Variants in NTM observed in about 807,000 individuals in gnomAD.
The protein encoded by NTM is neurotrimin.
In NTM, 13 loss-of-function variants were observed where a neutral mutation model predicts 42.1. That is an observed-to-expected ratio of 0.31 (90% confidence interval 0.20 to 0.49). The LOEUF (loss-of-function observed/expected upper bound fraction) is 0.49, where lower values mean the gene tolerates loss of function less well. NTM is among the 20% of genes least tolerant of loss of function. NTM has a pLI of 0.99. For missense variants in NTM, 373 were observed against 452.8 expected (o/e 0.82, Z 1.60); for synonymous variants, 187 against 179.2 (o/e 1.04, Z -0.35).
At chr11:131,789,757 CCATCCTGGCTAA>C (rs1469296281) in intron 1 of NTM, among the ~76,000 whole-genome samples, 7 of 150,362 alleles carry the variant, frequency 4.7e-5, no homozygotes, top group Middle Eastern at 3.4e-3. Flanking sequence ...GAGATCAAGA[CCATCCTGGCTAA>C]CACGGTGAAA....
intron 1 of NTM, among the ~76,000 whole-genome samples, chr11:131,453,795 G>C (rs756989813): frequency 2.0e-5 from 3 of 146,438 alleles, no homozygotes; most frequent in Non-Finnish European, 4.5e-5. Context: ...TATCTGCCTG[G>C]GGAGGACGGT....
chr11:131,734,885 TTAAAA>T (rs1449095502), intron 1 of NTM, among the ~76,000 whole-genome samples: 4 of 152,052 alleles, frequency 2.6e-5, no homozygotes, highest in Non-Finnish European at 5.9e-5. Flanking sequence ...CAAAGAATAA[TTAAAA>T]TAACACCAAG....
rs1491420783 is a variant in NTM, at chr11:131,925,384, T to TC, written c.167+13736_167+13737insC. On this transcript the variant is annotated intron_variant, in intron 2 of 8. Transcript: ENST00000683400. ...TCCTTTTTTTTTTCTTTCTTTTCTC[T>TC]TTTTTTTTTTTTTTTTTTTTAACAG... 4.7e-5 allele frequency among the ~76,000 whole-genome samples: 3 copies of TC among 63,536 alleles called. No individual in the cohort carries two copies. In the Admixed American group the frequency reaches 5.7e-4, roughly 12 times the overall value. 41.7% of individuals were successfully genotyped at this position (63,536 alleles called of 152,430 possible).
At chr11:131,385,205 C>G (rs1238171019) in intron 1 of NTM, 1 of 152,186 alleles carries the variant, frequency 6.6e-6, no homozygotes, top group African/African-American at 2.4e-5. Flanking sequence ...AAGTCAGGGG[C>G]CTACCACCAT....
At chr11:132,108,441 C>T (rs1207234454) in intron 2 of NTM, among the ~76,000 whole-genome samples, 1 of 152,118 alleles carries the variant, frequency 6.6e-6, no homozygotes, top group Non-Finnish European at 1.5e-5. Flanking sequence ...AGCGGAAAAA[C>T]AGACATCATA....
At chr11:131,887,659 A>G (rs1199401982) in intron 1 of NTM, among the ~76,000 whole-genome samples, 1 of 152,210 alleles carries the variant, frequency 6.6e-6, no homozygotes, top group African/African-American at 2.4e-5. Context: ...TCAAAATTTC[A>G]GACTTGTTAG....
intron 1 of NTM, among the ~76,000 whole-genome samples, chr11:131,498,512 T>A (rs897298292): frequency 2.6e-5 from 4 of 152,168 alleles, no homozygotes; most frequent in Non-Finnish European, 1.5e-5. Context: ...CTATGACCTT[T>A]CCTTCCTTTT....
At chr11:132,110,433 T>C (rs1333027282) in intron 2 of NTM, among the ~76,000 whole-genome samples, 1 of 152,232 alleles carries the variant, frequency 6.6e-6, no homozygotes, top group African/African-American at 2.4e-5. Context: ...ATGGCTGAAG[T>C]GTGATCCAGT....
rs568939654 is a variant in NTM, at chr11:131,540,419, C to T, written c.82+169531C>T. The T allele has an allele frequency of 2.0e-5, 3 of 152,184 alleles. No homozygotes were observed. The East Asian group carries it at 5.8e-4, about 30-fold the overall frequency. The allele number at this position is 152,184 out of a possible 1,614,324, so 9.4% of individuals were successfully genotyped here. On this transcript the variant is annotated intron_variant, in intron 1 of 8. Coordinates refer to ENST00000683400, the MANE Select transcript of NTM (RefSeq NM_001352005.2). ...TGACCTCATGATTCATCTGCCTCGGCCTCCTAAAGTATTGGGATTACAGGT... is the reference window on the plus strand; with the variant it reads ...TGACCTCATGATTCATCTGCCTCGGTCTCCTAAAGTATTGGGATTACAGGT...
chr11:131,852,566 G>A (rs1171590964), intron 1 of NTM, among the ~76,000 whole-genome samples: 2 of 152,162 alleles, frequency 1.3e-5, no homozygotes, highest in East Asian at 3.9e-4. Flanking sequence ...GCAGCTCCAT[G>A]GTCACCTGGC....
At chr11:131,872,387 C>A (rs555068649) in intron 1 of NTM, among the ~76,000 whole-genome samples, 2 of 152,158 alleles carry the variant, frequency 1.3e-5, no homozygotes, top group African/African-American at 4.8e-5. Context: ...CAGTGTCCTT[C>A]GTTCTTGTTG....
chr11:131,394,486 C>G (rs1193032826), intron 1 of NTM, among the ~76,000 whole-genome samples: 1 of 152,142 alleles, frequency 6.6e-6, no homozygotes, highest in Non-Finnish European at 1.5e-5. Flanking sequence ...TGAGTAGGGA[C>G]TCAGTGTCGG....
intron 1 of NTM, chr11:131,371,139 G>A (rs563875137): frequency 2.0e-5 from 20 of 978,612 alleles, no homozygotes; most frequent in Non-Finnish European, 2.3e-5. Flanking sequence ...TGTTAGGACT[G>A]TGCTTGTGTG....
intron 1 of NTM, among the ~76,000 whole-genome samples, chr11:131,806,809 C>T (rs187739670): frequency 1.3e-5 from 2 of 152,298 alleles, no homozygotes; most frequent in Admixed American, 1.3e-4. Flanking sequence ...TATTAGGCTC[C>T]AGGCACAATG....
intron 7 of NTM, chr11:132,315,080 A>AT (rs557575163): frequency 4.0e-3 from 3,880 of 960,140 alleles, no homozygotes; most frequent in Non-Finnish European, 4.4e-3. Flanking sequence ...ATGACATTTG[A>AT]TTTTTTTTTT....
chr11:132,040,846 T>C (rs181739417), intron 2 of NTM, among the ~76,000 whole-genome samples: 110 of 152,332 alleles, frequency 7.2e-4, no homozygotes, highest in African/African-American at 2.5e-3. Flanking sequence ...ATTAGGATTC[T>C]CAACATCAGT....
At chr11:131,654,644 A>G (rs1028156238) in intron 1 of NTM, among the ~76,000 whole-genome samples, 2 of 152,028 alleles carry the variant, frequency 1.3e-5, no homozygotes, top group Non-Finnish European at 2.9e-5. Context: ...GAGTGGCTTG[A>G]TGGGGTCCTG....
chr11:131,540,136 T>C lies in NTM; in HGVS notation c.82+169248T>C, dbSNP rs188620391. ...ATTTCTGAAAACAGGACTAACATAA[T>C]TAAAGCTATTTAAGCTTGTTTTTTT... On this transcript the variant is annotated intron_variant, in intron 1 of 8. Transcript: ENST00000683400. Among the ~76,000 whole-genome samples, 884 of 148,732 alleles carry C rather than the reference T, an allele frequency of 5.9e-3. 3 individuals carry two copies. Among genetic ancestry groups the C allele is most frequent in the Non-Finnish European group, 0.01 (686 of 67,384 alleles).
At chr11:131,868,761 A>G (rs772596265) in intron 1 of NTM, among the ~76,000 whole-genome samples, 6 of 152,104 alleles carry the variant, frequency 3.9e-5, no homozygotes, top group Admixed American at 2.0e-4. Context: ...TACCTTCCCT[A>G]TAAGGCTGTC....
Sources: gnomAD v4.1 joint callset for allele counts (sites outside exome capture counted in the v4.1 genomes callset) on GRCh38, gnomAD v4.1.1 for gene constraint, MANE v1.5 for transcripts, NCBI Gene and HGNC (gene_info 2026-07-23, HGNC 2026-07-21) for gene names.